Variants in PCDHGA2 observed in about 807,000 individuals in gnomAD.
PCDHGA2 encodes the protein protocadherin gamma subfamily A, 2, also known as protocadherin gamma-A2.
In PCDHGA2, 40 loss-of-function variants were observed where a neutral mutation model predicts 59.2. The observed-to-expected ratio is 0.68, with a 90% CI of 0.52 to 0.88. The LOEUF (loss-of-function observed/expected upper bound fraction) is 0.88, where lower values mean the gene tolerates loss of function less well. Ranked by LOEUF, PCDHGA2 falls within the 40% of genes least tolerant of loss-of-function variation. PCDHGA2 has a pLI of 0.00. For missense variants in PCDHGA2, 1,226 were observed against 1,204.0 expected, an observed-to-expected ratio of 1.02 and a Z score of -0.27; for synonymous variants, 560 against 526.0, an observed-to-expected ratio of 1.06 and a Z score of -0.89.
rs778271895 is a variant in PCDHGA2 at position 141,404,140 on chromosome 5, T to C, written c.2424+62745T>C. ...AGAATCTATCTTTTACATTAGAAAA[T>C]TCAGAAGAAGATTATTACAGATTGT... On this transcript the variant is annotated intron_variant, in intron 1 of 3. Coordinates refer to ENST00000394576, the MANE Select transcript of PCDHGA2 (RefSeq NM_018915.4). The C allele has an allele frequency of 8.1e-6, 13 of 1,612,934 alleles. No homozygotes were observed. The South Asian group carries it at 1.3e-4, about 16-fold the overall frequency.
intron 1 of PCDHGA2, chr5:141,389,993 G>T: frequency 6.2e-7 from 1 of 1,614,016 alleles, no homozygotes; most frequent in Non-Finnish European, 8.5e-7. Flanking sequence ...TCTTCCTCGT[G>T]GCCATGATTC....
chr5:141,350,217 G>T, intron 1 of PCDHGA2: 1 of 1,490,564 alleles, frequency 6.7e-7, no homozygotes, highest in South Asian at 1.5e-5. Flanking sequence ...ATTTCTTTTT[G>T]AAAAACATCC....
At chr5:141,445,782 G>A (rs530081823) in intron 1 of PCDHGA2, among the ~76,000 whole-genome samples, 1 of 152,310 alleles carries the variant, frequency 6.6e-6, no homozygotes, top group East Asian at 1.9e-4. Flanking sequence ...AAGGGCTAGG[G>A]AGGCTAGAAA....
intron 1 of PCDHGA2, chr5:141,478,595 T>A: frequency 6.4e-7 from 1 of 1,567,880 alleles, no homozygotes; most frequent in Non-Finnish European, 8.7e-7. Flanking sequence ...TTTTTATTCC[T>A]ACATCATATT....
At chr5:141,368,644 G>C (rs948987019) in intron 1 of PCDHGA2, among the ~76,000 whole-genome samples, 1 of 152,090 alleles carries the variant, frequency 6.6e-6, no homozygotes, top group African/African-American at 2.4e-5. Context: ...AATGTTTTGT[G>C]CAATGGAAAA....
intron 1 of PCDHGA2, chr5:141,421,700 C>G: frequency 6.2e-7 from 1 of 1,613,900 alleles, no homozygotes; most frequent in Non-Finnish European, 8.5e-7. Context: ...CTTCCTAATG[C>G]TAGGGATCCA....
At chr5:141,343,997 G>C in intron 1 of PCDHGA2, 2 of 1,490,782 alleles carry the variant, frequency 1.3e-6, no homozygotes, top group Middle Eastern at 3.7e-4. Context: ...TAGGAAACTG[G>C]AACCGAATTC....
At chr5:141,450,292 C>T (rs1310226132) in intron 1 of PCDHGA2, among the ~76,000 whole-genome samples, 2 of 152,066 alleles carry the variant, frequency 1.3e-5, no homozygotes, top group African/African-American at 2.4e-5. Context: ...GGATTACAGG[C>T]GTGAGCCACC....
intron 1 of PCDHGA2, chr5:141,417,186 C>A (rs2154546857): frequency 6.6e-6 from 1 of 152,258 alleles, no homozygotes; most frequent in Admixed American, 6.5e-5. Context: ...GGAATTATTA[C>A]TTTCTGGGTG....
At chr5:141,366,464 C>A in intron 1 of PCDHGA2, 8 of 1,614,226 alleles carry the variant, frequency 5.0e-6, no homozygotes, top group Non-Finnish European at 6.8e-6. Context: ...CATCGTGCTG[C>A]TGGTGCTCAG....
rs61612330 is a variant in PCDHGA2, at chr5:141,454,796, A to ATTTTTTT, written c.2425-39988_2425-39982dup. On this transcript the variant is annotated intron_variant, in intron 1 of 3. Transcript: ENST00000394576. Reference sequence around the variant, plus strand: ...AAGGAAATAATCCTCCATGGTTCTAATTTTTTTTTTTTTTTTTTTTTTTTT... The same window carrying ATTTTTTT: ...AAGGAAATAATCCTCCATGGTTCTAATTTTTTTTTTTTTTTTTTTTTTTTTTTTTTTT... Among the ~76,000 whole-genome samples the ATTTTTTT allele has an allele frequency of 2.6e-3, 198 of 77,448 alleles. 27 individuals are homozygous for ATTTTTTT. The highest frequency in any genetic ancestry group is 8.4e-3 in the African/African-American group (141 of 16,874). The allele number at this position is 77,448 out of a possible 152,430, so 50.8% of individuals were successfully genotyped here. A position where few individuals can be genotyped will look rare whatever the true frequency, so the allele number is the denominator to read the frequency against.
At chr5:141,360,260 C>T (rs535439542) in intron 1 of PCDHGA2, 1 of 1,613,962 alleles carries the variant, frequency 6.2e-7, no homozygotes, top group East Asian at 2.2e-5. Flanking sequence ...GAGGAGCTGG[C>T]CAAAAACTCG....
At chr5:141,408,697 C>T (rs58047392) in intron 1 of PCDHGA2, 227,396 of 1,612,898 alleles carry the variant, frequency 0.14, 18,149 homozygotes, top group African/African-American at 0.31. Context: ...TAAACATAAA[C>T]TCAATTAAAG....
At chr5:141,409,866 G>T in intron 1 of PCDHGA2, 1 of 1,612,376 alleles carries the variant, frequency 6.2e-7, no homozygotes, top group Non-Finnish European at 8.5e-7. Context: ...GTGGGAGACC[G>T]CAATGACAAC....
intron 1 of PCDHGA2, chr5:141,356,024 G>C: frequency 1.9e-6 from 3 of 1,613,944 alleles, no homozygotes; most frequent in Non-Finnish European, 2.5e-6. Flanking sequence ...GGAGCCAATG[G>C]AGACGTGACG....
chr5:141,350,009 C>A, intron 1 of PCDHGA2: 1 of 354,652 alleles, frequency 2.8e-6, no homozygotes. Context: ...AAGCTGGGCC[C>A]TGTGCAGTTT....
intron 1 of PCDHGA2, chr5:141,428,180 C>G (rs780780274): frequency 1.3e-6 from 2 of 1,486,274 alleles, no homozygotes; most frequent in East Asian, 2.3e-5. Flanking sequence ...TGACGGAGGA[C>G]AGCCGCCGCT....
At chr5:141,356,327 C>G (rs1446078924) in intron 1 of PCDHGA2, 10 of 1,554,192 alleles carry the variant, frequency 6.4e-6, no homozygotes, top group African/African-American at 1.4e-5. Context: ...GACAGTGACT[C>G]AGGAGGAAAT....
chr5:141,433,042 G>C (rs752612411), intron 1 of PCDHGA2: 6 of 1,614,142 alleles, frequency 3.7e-6, no homozygotes, highest in Non-Finnish European at 5.1e-6. Flanking sequence ...CCCTCACCAC[G>C]GACTCGCGGA....
Sources: gnomAD v4.1 joint callset for allele counts (sites outside exome capture counted in the v4.1 genomes callset) on GRCh38, gnomAD v4.1.1 for gene constraint, MANE v1.5 for transcripts, NCBI Gene and HGNC (gene_info 2026-07-23, HGNC 2026-07-21) for gene names.